The following NDST3 variants were observed in gnomAD, a reference collection of about 807,000 sequenced individuals.
NDST3 encodes bifunctional heparan sulfate N-deacetylase/N-sulfotransferase 3.
Under a neutral mutation model 96.1 loss-of-function variants are expected in NDST3, and 58 were observed. The ratio of observed to expected loss-of-function variants is 0.60; its 90% CI spans 0.49 to 0.75. NDST3 has a LOEUF of 0.75. Ranked by LOEUF, NDST3 falls within the 30% of genes least tolerant of loss-of-function variation. NDST3 has a pLI of 0.00. For missense variants in NDST3, 788 were observed against 1,034.2 expected (o/e 0.76, Z 3.27); for synonymous variants, 333 against 359.7 (o/e 0.93, Z 0.84).
At chr4:118,204,525 T>C (rs1738310145) in intron 6 of NDST3, among the ~76,000 whole-genome samples, 1 of 144,584 alleles carries the variant, frequency 6.9e-6, no homozygotes, top group South Asian at 2.3e-4. Context: ...TATTTGAACA[T>C]GTTTTGAACA....
At chr4:118,101,738 A>G (rs775693348) in intron 2 of NDST3, among the ~76,000 whole-genome samples, 1 of 152,146 alleles carries the variant, frequency 6.6e-6, no homozygotes, top group South Asian at 2.1e-4. Context: ...TACATGCTAC[A>G]TTGTTGACTG....
chr4:118,245,429 G>A (rs772967179), intron 12 of NDST3, among the ~76,000 whole-genome samples: 7 of 152,174 alleles, frequency 4.6e-5, no homozygotes, highest in Non-Finnish European at 1.0e-4. Context: ...ATAGTTGTTT[G>A]TTTGTTTTGT....
At chr4:118,166,246 A>G (rs1735543041) in intron 6 of NDST3, among the ~76,000 whole-genome samples, 1 of 151,914 alleles carries the variant, frequency 6.6e-6, no homozygotes, top group African/African-American at 2.4e-5. Context: ...ACTGGAATAA[A>G]GATGATCATA....
At chr4:118,155,157 A>G (rs1003815296) in intron 6 of NDST3, among the ~76,000 whole-genome samples, 1 of 152,186 alleles carries the variant, frequency 6.6e-6, no homozygotes, top group South Asian at 2.1e-4. Context: ...TATCCTCCAT[A>G]TTAGCCCTAT....
chr4:118,249,979 T>A (rs941662241), intron 12 of NDST3, among the ~76,000 whole-genome samples: 3 of 152,370 alleles, frequency 2.0e-5, no homozygotes, highest in Middle Eastern at 3.4e-3. Flanking sequence ...ATCAAGCTAC[T>A]TTCTTTCACT....
intron 12 of NDST3, among the ~76,000 whole-genome samples, chr4:118,249,176 A>G (rs571264705): frequency 6.6e-6 from 1 of 152,244 alleles, no homozygotes; most frequent in Non-Finnish European, 1.5e-5. Flanking sequence ...TCTTAGAAAA[A>G]CTTTCTCTCA....
intron 6 of NDST3, among the ~76,000 whole-genome samples, chr4:118,152,212 T>C (rs762352500): frequency 4.6e-5 from 7 of 152,318 alleles, no homozygotes; most frequent in Non-Finnish European, 1.0e-4. Flanking sequence ...GGCTGAATTA[T>C]GTATCGTTGT....
chr4:118,166,897 T>A (rs190937960), intron 6 of NDST3, among the ~76,000 whole-genome samples: 1 of 151,932 alleles, frequency 6.6e-6, no homozygotes, highest in Admixed American at 6.6e-5. Flanking sequence ...GGAAATTACC[T>A]CAACGTAATA....
At chr4:118,232,894 C>A in intron 8 of NDST3, 118 bp from the exon 9 acceptor site, 1 of 997,060 alleles carries the variant, frequency 1.0e-6, no homozygotes, top group Non-Finnish European at 1.5e-6. Context: ...TTATTTCCAG[C>A]AGTAGTTGTA....
At chr4:118,176,859 T>C (rs1211079131) in intron 6 of NDST3, among the ~76,000 whole-genome samples, 3 of 152,026 alleles carry the variant, frequency 2.0e-5, no homozygotes, top group Non-Finnish European at 4.4e-5. Flanking sequence ...TTATGCAGCA[T>C]CAACTTGAAA....
intron 10 of NDST3, among the ~76,000 whole-genome samples, chr4:118,237,928 C>T (rs1260240796): frequency 6.6e-6 from 1 of 151,856 alleles, no homozygotes; most frequent in East Asian, 1.9e-4. Flanking sequence ...CCCAGGAGTT[C>T]AAGACCAGCC....
intron 8 of NDST3, among the ~76,000 whole-genome samples, chr4:118,227,891 C>A (rs1048538453): frequency 3.3e-5 from 5 of 152,122 alleles, no homozygotes; most frequent in Non-Finnish European, 7.4e-5. Context: ...GGATTACAGG[C>A]GTGAGCCACT....
At chr4:118,242,323 C>G (rs1741060212) in intron 12 of NDST3, among the ~76,000 whole-genome samples, 174 bp downstream of exon 12, 1 of 151,590 alleles carries the variant, frequency 6.6e-6, no homozygotes. Context: ...ACAGAAATGT[C>G]CTAAATCCTG....
intron 6 of NDST3, among the ~76,000 whole-genome samples, chr4:118,189,698 C>A (rs6837896): frequency 0.82 from 124,050 of 152,144 alleles, 52,887 homozygotes; most frequent in South Asian, 0.95. Context: ...GAAAGATAGC[C>A]TGAGACAGAA....
intron 6 of NDST3, among the ~76,000 whole-genome samples, chr4:118,187,659 G>C (rs192341276): frequency 3.9e-5 from 6 of 152,288 alleles, no homozygotes; most frequent in Non-Finnish European, 8.8e-5. Context: ...ATTGTTGTTA[G>C]AGACATAAGC....
chr4:118,172,034 T>C (rs1578764529), intron 6 of NDST3, among the ~76,000 whole-genome samples: 1 of 152,194 alleles, frequency 6.6e-6, no homozygotes, highest in Non-Finnish European at 1.5e-5. Context: ...AGGTCTCTCT[T>C]ATGAGAAATT....
chr4:118,109,206 G>GA (rs971007440), intron 3 of NDST3, among the ~76,000 whole-genome samples: 7 of 152,100 alleles, frequency 4.6e-5, no homozygotes, highest in African/African-American at 1.7e-4. Flanking sequence ...CTAACTTCAG[G>GA]ATGATTATCT....
At chr4:118,132,058 C>G (rs1346024423) in intron 4 of NDST3, among the ~76,000 whole-genome samples, 1 of 152,128 alleles carries the variant, frequency 6.6e-6, no homozygotes, top group Non-Finnish European at 1.5e-5. Flanking sequence ...ACTATAACTA[C>G]TACCTGGCTA....
chr4:118,053,822 C>G lies in NDST3; in HGVS notation c.-89C>G. The G allele has an allele frequency of 7.1e-7, 1 of 1,413,614 alleles. No individual in the cohort carries two copies. Among genetic ancestry groups the G allele is most frequent in the South Asian group, 1.4e-5 (1 of 70,112 alleles). The allele number at this position is 1,413,614 out of a possible 1,614,324, so 87.6% of individuals were successfully genotyped here. ...CTGCAATGGTGACATAAACTCTTGA[C>G]AGAGATTGGAAAAGTAGCTGGAACA... is the stretch of plus-strand genomic sequence containing the variant. On this transcript the variant is annotated 5_prime_UTR_variant, in exon 2 of 14. Coordinates refer to ENST00000296499, the MANE Select transcript of NDST3 (RefSeq NM_004784.3).
Sources: gnomAD v4.1 joint callset for allele counts (sites outside exome capture counted in the v4.1 genomes callset) on GRCh38, gnomAD v4.1.1 for gene constraint, MANE v1.5 for transcripts, NCBI Gene and HGNC (gene_info 2026-07-23, HGNC 2026-07-21) for gene names.